Variants in MAD1L1 observed in about 807,000 individuals in gnomAD.
MAD1L1 encodes the protein mitotic arrest deficient 1 like 1.
In MAD1L1, 95 loss-of-function variants were observed where a neutral mutation model predicts 96.9. The observed-to-expected ratio is 0.98, with a 90% CI of 0.83 to 1.16. The LOEUF is 1.16. Ranked by LOEUF, MAD1L1 falls within the 50% of genes most tolerant of loss-of-function variation. MAD1L1 has a pLI of 0.00. For synonymous variants in MAD1L1, 473 were observed against 396.6 expected (o/e 1.19, Z -2.29); for missense variants, 1,007 against 954.4 (o/e 1.06, Z -0.73).
chr7:2,153,466 G>C (rs1265132336), intron 10 of MAD1L1, among the ~76,000 whole-genome samples: 1 of 152,162 alleles, frequency 6.6e-6, no homozygotes, highest in Non-Finnish European at 1.5e-5. Context: ...TAATCATCGG[G>C]GGAATTGCAA....
At chr7:2,062,598 G>A (rs915603119) in intron 12 of MAD1L1, among the ~76,000 whole-genome samples, 1 of 152,078 alleles carries the variant, frequency 6.6e-6, no homozygotes, top group African/African-American at 2.4e-5. Flanking sequence ...ACAGGGAAGT[G>A]AAGTCAGGAG....
chr7:1,871,199 T>C (rs1277103369), intron 18 of MAD1L1, among the ~76,000 whole-genome samples: 3 of 141,606 alleles, frequency 2.1e-5, no homozygotes, highest in African/African-American at 2.7e-5. Context: ...CCTGCCATGC[T>C]GAACCCACCG....
chr7:1,882,543 C>T (rs1478605697), intron 18 of MAD1L1, among the ~76,000 whole-genome samples: 1 of 152,180 alleles, frequency 6.6e-6, no homozygotes, highest in African/African-American at 2.4e-5. Context: ...CCAGGGACTG[C>T]TGGGGTGGCC....
intron 17 of MAD1L1, among the ~76,000 whole-genome samples, chr7:1,910,741 C>G (rs1787963091): frequency 6.6e-6 from 1 of 152,224 alleles, no homozygotes; most frequent in South Asian, 2.1e-4. Context: ...GAGTAGGTGC[C>G]TGTCCGGGGC....
chr7:1,951,168 T>C (rs1779478861), intron 16 of MAD1L1, among the ~76,000 whole-genome samples: 1 of 152,210 alleles, frequency 6.6e-6, no homozygotes, highest in Admixed American at 6.5e-5. Context: ...GCTATCCCAG[T>C]CTCCCCACTA....
At chr7:1,973,534 G>A (rs760021514) in intron 15 of MAD1L1, among the ~76,000 whole-genome samples, 1 of 152,148 alleles carries the variant, frequency 6.6e-6, no homozygotes, top group Non-Finnish European at 1.5e-5. Flanking sequence ...CTGCTCACGA[G>A]GGCCGCAGAC....
chr7:2,219,587 G>T (rs548367054), intron 5 of MAD1L1, 131 bp from the exon 6 acceptor site: 5 of 917,392 alleles, frequency 5.5e-6, no homozygotes, highest in South Asian at 5.3e-5. Context: ...GAGGCAGAGG[G>T]GCAGAGGAAT....
intron 16 of MAD1L1, among the ~76,000 whole-genome samples, chr7:1,953,519 G>A (rs192865870): frequency 6.6e-6 from 1 of 152,206 alleles, no homozygotes; most frequent in Non-Finnish European, 1.5e-5. Context: ...GCTGGAGCAC[G>A]GGCTTCAGAA....
chr7:1,853,260 CCT>C (rs551046261), intron 18 of MAD1L1, among the ~76,000 whole-genome samples: 67 of 152,312 alleles, frequency 4.4e-4, no homozygotes, highest in Middle Eastern at 3.4e-3. Context: ...ACGGGACTGC[CCT>C]CTGTGTCGGG....
At chr7:1,823,704 G>C (rs903314244) in intron 18 of MAD1L1, among the ~76,000 whole-genome samples, 1 of 152,214 alleles carries the variant, frequency 6.6e-6, no homozygotes, top group Admixed American at 6.5e-5. Context: ...AGCGGCCATC[G>C]TGAGGGCAGA....
intron 17 of MAD1L1, among the ~76,000 whole-genome samples, chr7:1,931,350 C>T (rs940061667): frequency 3.3e-5 from 5 of 152,266 alleles, no homozygotes; most frequent in African/African-American, 9.6e-5. Flanking sequence ...GGGGAGGGGA[C>T]AGCCCTCTCT....
chr7:1,920,605 C>T (rs1788726390), intron 17 of MAD1L1, among the ~76,000 whole-genome samples: 1 of 152,150 alleles, frequency 6.6e-6, no homozygotes, highest in African/African-American at 2.4e-5. Context: ...AGACGCACAG[C>T]CAGATGGAAG....
chr7:1,825,895 G>A (rs1782363820), intron 18 of MAD1L1, among the ~76,000 whole-genome samples: 1 of 151,834 alleles, frequency 6.6e-6, no homozygotes, highest in South Asian at 2.1e-4. Context: ...CACAGTCCCA[G>A]CCCCAGGGTT....
At chr7:2,115,144 G>A (rs1168934016) in intron 11 of MAD1L1, among the ~76,000 whole-genome samples, 1 of 152,230 alleles carries the variant, frequency 6.6e-6, no homozygotes, top group East Asian at 1.9e-4. Context: ...AAGCACTCCC[G>A]CAGGAGGACA....
At chr7:1,996,647 G>A (rs574280474) in intron 14 of MAD1L1, among the ~76,000 whole-genome samples, 12 of 152,338 alleles carry the variant, frequency 7.9e-5, no homozygotes, top group Admixed American at 3.3e-4. Flanking sequence ...CAGCCTGTCC[G>A]GGCCTCAGTG....
chr7:1,989,223 C>T (rs927559787), intron 14 of MAD1L1, among the ~76,000 whole-genome samples: 3 of 152,170 alleles, frequency 2.0e-5, no homozygotes, highest in Admixed American at 1.3e-4. Flanking sequence ...TCTAACGAAA[C>T]GTGGAAAATT....
intron 18 of MAD1L1, among the ~76,000 whole-genome samples, chr7:1,824,644 G>A (rs1463923701): frequency 5.9e-5 from 9 of 152,202 alleles, no homozygotes; most frequent in Admixed American, 2.6e-4. Context: ...ACCAGGACCC[G>A]CGGGAGAGGA....
rs530596326 is a variant in MAD1L1 at position 2,070,854 on chromosome 7, G to A, written c.1074-1516C>T. Among the ~76,000 whole-genome samples, 8 of 152,324 alleles carry A rather than the reference G, an allele frequency of 5.3e-5. No individual in the cohort carries two copies. The South Asian group carries it at 1.0e-3, about 20-fold the overall frequency. On this transcript the variant is annotated intron_variant, in intron 11 of 18. Coordinates refer to ENST00000265854, the MANE Select transcript of MAD1L1 (RefSeq NM_001013836.2). ...TCCCAGCCATTGATTGCTTCTGCTCGGCCTTAGTTGCATGACTTGAGGAAA... is the reference window on the plus strand; with the variant it reads ...TCCCAGCCATTGATTGCTTCTGCTCAGCCTTAGTTGCATGACTTGAGGAAA...
intron 18 of MAD1L1, among the ~76,000 whole-genome samples, chr7:1,831,158 T>G (rs6948707): frequency 0.37 from 55,234 of 149,750 alleles, 5,171 homozygotes; most frequent in African/African-American, 0.41. Flanking sequence ...GTTTAAGGTC[T>G]GTGTCTGGCA....
Sources: allele counts gnomAD v4.1 joint callset (sites outside exome capture counted in the v4.1 genomes callset), GRCh38; gene constraint gnomAD v4.1.1; transcripts MANE v1.5; gene names NCBI Gene and HGNC (gene_info 2026-07-23, HGNC 2026-07-21).